The following ZNF724 variants were observed in gnomAD, a reference collection of about 807,000 sequenced individuals.
ZNF724 encodes the protein zinc finger protein 724 pseudogene.
A neutral mutation model predicts 29.3 loss-of-function variants in ZNF724; 14 were observed. That is an observed-to-expected ratio of 0.48 (90% CI 0.32 to 0.75). ZNF724 has a LOEUF of 0.75. Among genes scored for constraint, ZNF724 ranks in the 30% least tolerant of loss-of-function variants. The pLI is 0.04. For synonymous variants in ZNF724, 180 were observed against 193.6 expected, an observed-to-expected ratio of 0.93 and a Z score of 0.58; for missense variants, 557 against 571.2, an observed-to-expected ratio of 0.98 and a Z score of 0.25.
chr19:23,247,968 T>A (rs924260955), intron 1 of ZNF724, among the ~76,000 whole-genome samples: 1 of 152,108 alleles, frequency 6.6e-6, no homozygotes, highest in African/African-American at 2.4e-5. Context: ...CTCTAGCAGA[T>A]AGACATGGTG....
chr19:23,245,613 C>CAAA (rs879269701), intron 1 of ZNF724, among the ~76,000 whole-genome samples: 19 of 137,924 alleles, frequency 1.4e-4, no homozygotes, highest in African/African-American at 4.2e-4. Context: ...GACTCCATCT[C>CAAA]AAAAAAAAAA....
chr19:23,229,725 A>T (rs1971901697), intron 3 of ZNF724, among the ~76,000 whole-genome samples: 1 of 152,210 alleles, frequency 6.6e-6, no homozygotes, highest in Non-Finnish European at 1.5e-5. Context: ...ACAAACCCAT[A>T]GGGCATCCCA....
Position 23,250,382 on chromosome 19 carries a change from G to A in ZNF724, c.-140C>T. On this transcript the variant is annotated 5_prime_UTR_variant, in exon 1 of 4. Transcript: ENST00000418100. ...CGAGACCAAGCGCTCCAGCTGCAGC[G>A]AGAGACAAAGGCCCCGCCAAATCCC... The A allele has an allele frequency of 4.4e-6, 2 of 457,540 alleles. No individual in the cohort carries two copies. The highest frequency in any genetic ancestry group is 8.8e-6 in the Non-Finnish European group (2 of 227,846). 28.3% of individuals were successfully genotyped at this position (457,540 alleles called of 1,614,324 possible).
At position 23,250,381 on chromosome 19, in the gene ZNF724, CGA is replaced by C. The variant is rs767522145; in HGVS notation, c.-141_-140del. Reference sequence around the variant, plus strand: ...ACGAGACCAAGCGCTCCAGCTGCAGCGAGAGACAAAGGCCCCGCCAAATCCCG... The same window carrying C: ...ACGAGACCAAGCGCTCCAGCTGCAGCGAGACAAAGGCCCCGCCAAATCCCG... On this transcript the variant is annotated 5_prime_UTR_variant, in exon 1 of 4. Transcript: ENST00000418100. 76 of 459,564 alleles carry C rather than the reference CGA, an allele frequency of 1.7e-4. No homozygotes were observed. The highest frequency in any genetic ancestry group is 2.7e-5 in the Admixed American group (1 of 37,632). 28.5% of individuals were successfully genotyped at this position (459,564 alleles called of 1,614,324 possible). A position where few individuals can be genotyped will look rare whatever the true frequency, so the allele number is the denominator to read the frequency against.
chr19:23,242,409 T>C (rs1488533568), intron 1 of ZNF724, among the ~76,000 whole-genome samples: 1 of 151,608 alleles, frequency 6.6e-6, no homozygotes, highest in Non-Finnish European at 1.5e-5. Flanking sequence ...AGAAACCCAA[T>C]TTCTACAAAA....
chr19:23,222,963 C>T lies in ZNF724; in HGVS notation c.1282G>A (p.Gly428Ser). 1.5e-6 allele frequency: 2 copies of T among 1,377,786 alleles called. No individual in the cohort carries two copies. Among genetic ancestry groups the T allele is most frequent in the Non-Finnish European group, 1.0e-6 (1 of 966,110 alleles). The allele number at this position is 1,377,786 out of a possible 1,614,324, so 85.3% of individuals were successfully genotyped here. The change falls in exon 4 of 4, where the codon GGC becomes AGC. Residue 428 changes from glycine (G) to serine (S), a missense_variant. Gly to Ser is a moderately conservative substitution (Grantham distance 56, BLOSUM62 0). Transcript: ENST00000418100. ...GEKPYKCEEC[G>S]KAFNQFSQLT... ...TGTGAGAACTGGTTAAAGGCTTTGC[C>T]ACATTCTTCACATTTGTAGGGTTTC...
intron 1 of ZNF724, among the ~76,000 whole-genome samples, chr19:23,239,148 G>T (rs909534370): frequency 6.6e-6 from 1 of 152,158 alleles, no homozygotes; most frequent in African/African-American, 2.4e-5. Context: ...ACACCCCACA[G>T]ACACTATTAC....
At chr19:23,226,977 A>T (rs1012239675) in intron 3 of ZNF724, among the ~76,000 whole-genome samples, 1 of 136,414 alleles carries the variant, frequency 7.3e-6, no homozygotes, top group Non-Finnish European at 1.6e-5. Flanking sequence ...TAATAAGGGA[A>T]ATGTTTACTC....
At chr19:23,227,595 T>C (rs1183272773) in intron 3 of ZNF724, among the ~76,000 whole-genome samples, 1 of 145,990 alleles carries the variant, frequency 6.8e-6, no homozygotes, top group Admixed American at 7.0e-5. Flanking sequence ...TTAAATTATA[T>C]TGCTAAATTA....
chr19:23,243,475 C>CAAAAAAAAAAAAAAAAAAAA (rs61241201), intron 1 of ZNF724, among the ~76,000 whole-genome samples: 3 of 31,198 alleles, frequency 9.6e-5, no homozygotes, highest in African/African-American at 4.6e-4. Context: ...GAGTCCATCT[C>CAAAAAAAAAAAAAAAAAAAA]AAAAAAAAAA....
intron 1 of ZNF724, among the ~76,000 whole-genome samples, chr19:23,249,015 A>G (rs1972296428): frequency 8.9e-6 from 1 of 111,984 alleles, no homozygotes; most frequent in Non-Finnish European, 2.1e-5. Context: ...ACAAACAAAA[A>G]AAACTAAGAA....
intron 1 of ZNF724, among the ~76,000 whole-genome samples, chr19:23,246,556 G>C (rs1025335259): frequency 6.6e-6 from 1 of 152,002 alleles, no homozygotes; most frequent in Admixed American, 6.6e-5. Context: ...GCTGGAGGCT[G>C]AGAGAGGAGA....
At chr19:23,232,086 C>G in intron 2 of ZNF724, 81 bp downstream of exon 2, 1 of 1,107,884 alleles carries the variant, frequency 9.0e-7, no homozygotes, top group Non-Finnish European at 1.4e-6. Flanking sequence ...ATGCAAAGAT[C>G]AATTACCAAA....
At chr19:23,233,169 A>C (rs1971967723) in intron 1 of ZNF724, among the ~76,000 whole-genome samples, 1 of 152,188 alleles carries the variant, frequency 6.6e-6, no homozygotes, top group Admixed American at 6.5e-5. Flanking sequence ...CATCAGTTTT[A>C]TGCAAAGTTC....
At chr19:23,227,680 A>C (rs1159965781) in intron 3 of ZNF724, among the ~76,000 whole-genome samples, 1 of 152,060 alleles carries the variant, frequency 6.6e-6, no homozygotes, top group Non-Finnish European at 1.5e-5. Flanking sequence ...GGAATAAATT[A>C]TGTTTTTATT....
chr19:23,235,298 A>T (rs1272550892), intron 1 of ZNF724, among the ~76,000 whole-genome samples: 1 of 152,156 alleles, frequency 6.6e-6, no homozygotes, highest in Non-Finnish European at 1.5e-5. Context: ...TGGTTTTTTT[A>T]AAAAATGTAT....
At chr19:23,239,804 G>A (rs1972087803) in intron 1 of ZNF724, among the ~76,000 whole-genome samples, 1 of 152,032 alleles carries the variant, frequency 6.6e-6, no homozygotes, top group Non-Finnish European at 1.5e-5. Flanking sequence ...CAGCGAGACT[G>A]TTTCAATCAA....
intron 1 of ZNF724, among the ~76,000 whole-genome samples, chr19:23,240,717 T>TAAAAAA (rs34692737): frequency 3.7e-5 from 4 of 108,712 alleles, no homozygotes; most frequent in African/African-American, 1.5e-4. Context: ...GGATTCCACC[T>TAAAAAA]AAAAAAAAAA....
chr19:23,221,754 T>C lies in ZNF724; in HGVS notation c.*631A>G, dbSNP rs1971717604. ...TACCACACCCACCTAATTTTTGTAT[T>C]TTGGGTAGAGATGGAGTTTCACCAT... is the stretch of plus-strand genomic sequence containing the variant. On this transcript the variant is annotated 3_prime_UTR_variant, in exon 4 of 4. Transcript: ENST00000418100. The C allele has an allele frequency of 6.6e-6, 1 of 152,544 alleles. No individual in the cohort carries two copies. Among genetic ancestry groups the C allele is most frequent in the African/African-American group, 2.4e-5 (1 of 41,394 alleles). 9.4% of individuals were successfully genotyped at this position (152,544 alleles called of 1,614,324 possible).
Sources: allele counts gnomAD v4.1 joint callset (sites outside exome capture counted in the v4.1 genomes callset), GRCh38; gene constraint gnomAD v4.1.1; transcripts MANE v1.5; gene names NCBI Gene and HGNC (gene_info 2026-07-23, HGNC 2026-07-21).